Variants in GPHN observed in about 807,000 individuals in gnomAD.
GPHN encodes gephyrin.
In GPHN, 17 loss-of-function variants were observed where a neutral mutation model predicts 95.5. That is an observed-to-expected ratio of 0.18 (90% CI 0.12 to 0.27). The LOEUF (loss-of-function observed/expected upper bound fraction) is 0.27, where lower values mean the gene tolerates loss of function less well. Ranked by LOEUF, GPHN falls within the 10% of genes least tolerant of loss-of-function variation. GPHN has a pLI of 1.00. For synonymous variants in GPHN, 320 were observed against 322.5 expected, an observed-to-expected ratio of 0.99 and a Z score of 0.08; for missense variants, 660 against 978.1, an observed-to-expected ratio of 0.67 and a Z score of 4.34.
At chr14:66,631,813 T>G (rs2063823421) in intron 1 of GPHN, among the ~76,000 whole-genome samples, 1 of 152,158 alleles carries the variant, frequency 6.6e-6, no homozygotes, top group Non-Finnish European at 1.5e-5. Flanking sequence ...AATTTCCCAC[T>G]AAAGAATCTT....
At chr14:67,192,071 A>G in the GPHN span, among the ~76,000 whole-genome samples, 1 of 152,234 alleles carries the variant, frequency 6.6e-6, no homozygotes, top group African/African-American at 2.4e-5. Context: ...CATCTCAAAT[A>G]AAACTCCATT....
the GPHN span, among the ~76,000 whole-genome samples, chr14:67,494,381 T>C: frequency 6.6e-6 from 1 of 152,188 alleles, no homozygotes; most frequent in East Asian, 1.9e-4. Flanking sequence ...GTTATGCAGC[T>C]TTCTCAAGGT....
chr14:67,099,217 C>A (rs1352367885), intron 12 of GPHN, among the ~76,000 whole-genome samples: 2 of 151,606 alleles, frequency 1.3e-5, no homozygotes, highest in Admixed American at 1.3e-4. Flanking sequence ...TCAAGCAATT[C>A]TCCTGCCTCA....
chr14:66,964,274 A>G (rs1371443713), intron 8 of GPHN, among the ~76,000 whole-genome samples: 1 of 151,984 alleles, frequency 6.6e-6, no homozygotes, highest in Non-Finnish European at 1.5e-5. Flanking sequence ...TGAAAGTGCT[A>G]AATAATCTAC....
intron 1 of GPHN, among the ~76,000 whole-genome samples, chr14:66,561,784 A>G (rs1016049332): frequency 2.6e-5 from 4 of 152,174 alleles, no homozygotes; most frequent in Admixed American, 2.6e-4. Flanking sequence ...AAAATTTGTT[A>G]TTATGTAGTT....
At chr14:67,058,980 A>G in intron 11 of GPHN, 194 bp downstream of exon 11, 1 of 525,562 alleles carries the variant, frequency 1.9e-6, no homozygotes, top group Non-Finnish European at 3.2e-6. Context: ...TATACAGAGT[A>G]AAATCCATGA....
the GPHN span, among the ~76,000 whole-genome samples, chr14:67,564,738 G>T: frequency 7.8e-4 from 118 of 151,196 alleles, no homozygotes; most frequent in African/African-American, 2.7e-3. Context: ...GCCCAGGCTG[G>T]AGTGCAATGG....
Position 66,833,669 on chromosome 14 carries a change from A to AG in GPHN, c.294+9103_294+9104insG, listed in dbSNP as rs566853062. 3.5e-3 allele frequency among the ~76,000 whole-genome samples: 532 copies of AG among 152,088 alleles called. 2 individuals are homozygous for AG. The highest frequency in any genetic ancestry group is 0.012 in the African/African-American group (516 of 41,468). On this transcript the variant is annotated intron_variant, in intron 4 of 22. Transcript: ENST00000478722. ...GGTTGTTTTTATGCCCTGGTTAAAA[A>AG]AAAAAAAAAAGTTCTGATGTAATCT...
At chr14:67,554,602 C>T in the GPHN span, among the ~76,000 whole-genome samples, 2 of 152,198 alleles carry the variant, frequency 1.3e-5, no homozygotes, top group Non-Finnish European at 2.9e-5. Flanking sequence ...TCTGCTTCTG[C>T]GGGTCCTCCA....
At chr14:67,585,361 G>A in the GPHN span, 9 of 550,088 alleles carry the variant, frequency 1.6e-5, no homozygotes, top group Non-Finnish European at 2.6e-5. Flanking sequence ...TAGGTGGCCA[G>A]AGCCCCAAGG....
the GPHN span, among the ~76,000 whole-genome samples, chr14:67,413,646 C>A: frequency 6.6e-6 from 1 of 152,158 alleles, no homozygotes; most frequent in East Asian, 1.9e-4. Flanking sequence ...TCCCCCCAAC[C>A]CCACTCCCAC....
intron 10 of GPHN, among the ~76,000 whole-genome samples, chr14:67,049,987 A>C (rs2075234659): frequency 6.6e-6 from 1 of 151,870 alleles, no homozygotes; most frequent in South Asian, 2.1e-4. Context: ...GAATTACAAT[A>C]CTCCTCCTTT....
chr14:67,407,762 A>G, the GPHN span, among the ~76,000 whole-genome samples: 1 of 152,144 alleles, frequency 6.6e-6, no homozygotes, highest in African/African-American at 2.4e-5. Flanking sequence ...TTTAAAGATA[A>G]GGAAACAGAG....
chr14:67,235,533 G>A, the GPHN span, among the ~76,000 whole-genome samples: 3 of 152,058 alleles, frequency 2.0e-5, no homozygotes, highest in Non-Finnish European at 2.9e-5. Context: ...GGCTAACACG[G>A]TGAAACCCTG....
At chr14:66,728,874 G>A (rs2071499062) in intron 2 of GPHN, among the ~76,000 whole-genome samples, 3 of 152,130 alleles carry the variant, frequency 2.0e-5, no homozygotes, top group African/African-American at 4.8e-5. Flanking sequence ...AGATTTAGGA[G>A]GGGTCGGGGT....
intron 2 of GPHN, among the ~76,000 whole-genome samples, chr14:66,711,770 G>C (rs2069662503): frequency 6.6e-6 from 1 of 150,808 alleles, no homozygotes; most frequent in South Asian, 2.1e-4. Context: ...GCCCCAGTGT[G>C]TGATGTTCCC....
the GPHN span, among the ~76,000 whole-genome samples, chr14:67,381,927 C>A: frequency 6.6e-6 from 1 of 152,064 alleles, no homozygotes; most frequent in African/African-American, 2.4e-5. Flanking sequence ...GGTAGAAAGC[C>A]AGCGATGCCA....
At chr14:67,392,816 C>T in the GPHN span, 3 of 1,613,480 alleles carry the variant, frequency 1.9e-6, no homozygotes, top group African/African-American at 1.3e-5. Context: ...GGCCGTGAAG[C>T]TGTTGGAGAT....
chr14:67,633,192 TTTTTTG>T, the GPHN span, among the ~76,000 whole-genome samples: 12 of 152,172 alleles, frequency 7.9e-5, no homozygotes, highest in Admixed American at 2.0e-4. Context: ...TATTTTGTTG[TTTTTTG>T]TTTTTAAGTT....
Sources: gnomAD v4.1 joint callset for allele counts (sites outside exome capture counted in the v4.1 genomes callset) on GRCh38, gnomAD v4.1.1 for gene constraint, MANE v1.5 for transcripts, NCBI Gene and HGNC (gene_info 2026-07-23, HGNC 2026-07-21) for gene names.